MGAT4C: variants seen among roughly 807,000 people sequenced by gnomAD.
MGAT4C encodes MGAT4 family member C.
Under a neutral mutation model 40.1 loss-of-function variants are expected in MGAT4C, and 19 were observed. The ratio of observed to expected loss-of-function variants is 0.47; its 90% CI spans 0.33 to 0.70. The LOEUF (loss-of-function observed/expected upper bound fraction) is 0.70, where lower values mean the gene tolerates loss of function less well. Among genes scored for constraint, MGAT4C ranks in the 30% least tolerant of loss-of-function variants. MGAT4C has a pLI of 0.02. For missense variants in MGAT4C, 491 were observed against 563.2 expected, an observed-to-expected ratio of 0.87 and a Z score of 1.30; for synonymous variants, 181 against 187.1, an observed-to-expected ratio of 0.97 and a Z score of 0.27.
At chr12:86,731,376 C>T (rs1020538969) in intron 1 of MGAT4C, among the ~76,000 whole-genome samples, 2 of 152,118 alleles carry the variant, frequency 1.3e-5, no homozygotes, top group East Asian at 1.9e-4. Flanking sequence ...AAGAATAATA[C>T]CCAAATAAAT....
intron 1 of MGAT4C, among the ~76,000 whole-genome samples, chr12:86,177,704 T>C (rs1422183236): frequency 6.6e-6 from 1 of 152,078 alleles, no homozygotes; most frequent in Non-Finnish European, 1.5e-5. Flanking sequence ...AAGGGATTTG[T>C]GAAAACAAAT....
At chr12:86,030,767 C>A (rs545865589) in intron 2 of MGAT4C, among the ~76,000 whole-genome samples, 135 of 151,594 alleles carry the variant, frequency 8.9e-4, no homozygotes, top group Non-Finnish European at 1.4e-3. Context: ...AATATTCAAG[C>A]CAGAAAAAAA....
chr12:86,667,741 A>G (rs1022257902), intron 2 of MGAT4C, among the ~76,000 whole-genome samples: 1 of 152,112 alleles, frequency 6.6e-6, no homozygotes, highest in Non-Finnish European at 1.5e-5. Flanking sequence ...TGATTTTCTT[A>G]TGATTATATT....
rs753768505 is a variant in MGAT4C at position 85,977,883 on chromosome 12, C to G, written c.*1406G>C. The G allele has an allele frequency of 6.6e-6, 1 of 150,378 alleles. No homozygotes were observed. Among genetic ancestry groups the G allele is most frequent in the Non-Finnish European group, 1.5e-5 (1 of 67,264 alleles). 9.3% of individuals were successfully genotyped at this position (150,378 alleles called of 1,614,324 possible). A position where few individuals can be genotyped will look rare whatever the true frequency, so the allele number is the denominator to read the frequency against. ...TTGAGTTTCTTAAACATATATGAAG[C>G]ACCTTCCATTTCCCTTTATAATAAA... On this transcript the variant is annotated 3_prime_UTR_variant, in exon 5 of 5. Transcript: ENST00000611864.
In MGAT4C at chr12:86,780,275, G is replaced by A. The variant is rs369128153; in HGVS notation, c.-261-53034C>T. On this transcript the variant is annotated intron_variant, in intron 1 of 7. Transcript: ENST00000548651. ...TTTTTTATTTGTATAAATTTAAGCG[G>A]TACAAGTGTGGTTTTATTACATAAG... 2.0e-5 allele frequency among the ~76,000 whole-genome samples: 3 copies of A among 152,154 alleles called. No individual in the cohort carries two copies. The South Asian group carries it at 6.2e-4, about 32-fold the overall frequency.
chr12:86,593,460 T>A (rs1308092003), intron 2 of MGAT4C, among the ~76,000 whole-genome samples: 1 of 152,084 alleles, frequency 6.6e-6, no homozygotes, highest in Non-Finnish European at 1.5e-5. Context: ...AGGGTTGAAG[T>A]TTAGGTTGTG....
intron 1 of MGAT4C, among the ~76,000 whole-genome samples, chr12:86,211,455 C>T (rs1376425539): frequency 8.7e-5 from 11 of 126,626 alleles, no homozygotes; most frequent in South Asian, 8.3e-4. Context: ...GGCGTGGTGG[C>T]GGTCGCCTGT....
chr12:86,141,606 G>T (rs17357025), intron 1 of MGAT4C, among the ~76,000 whole-genome samples: 1 of 152,158 alleles, frequency 6.6e-6, no homozygotes, highest in Admixed American at 6.6e-5. Flanking sequence ...TAGCTGTACA[G>T]AAAGGGTTTT....
At chr12:86,306,589 T>C (rs1320945183) in intron 4 of MGAT4C, among the ~76,000 whole-genome samples, 1 of 150,476 alleles carries the variant, frequency 6.6e-6, no homozygotes, top group African/African-American at 2.5e-5. Context: ...TCCTTTGTGA[T>C]GATAAAGCAT....
At chr12:86,679,392 A>G (rs1028440203) in intron 2 of MGAT4C, among the ~76,000 whole-genome samples, 15 of 152,070 alleles carry the variant, frequency 9.9e-5, no homozygotes, top group Non-Finnish European at 2.1e-4. Flanking sequence ...CTTGTTCAAA[A>G]TCCTATAGTG....
chr12:86,414,497 T>C (rs1351988982), intron 3 of MGAT4C, among the ~76,000 whole-genome samples: 2 of 152,184 alleles, frequency 1.3e-5, no homozygotes, highest in Non-Finnish European at 2.9e-5. Context: ...TGGTTACTTT[T>C]TATTGATTTA....
intron 2 of MGAT4C, among the ~76,000 whole-genome samples, chr12:86,622,163 A>C (rs1962659612): frequency 1.3e-5 from 2 of 152,128 alleles, no homozygotes; most frequent in South Asian, 4.1e-4. Context: ...ACGTAATTTT[A>C]TTGGTAAATG....
chr12:86,799,882 C>T (rs1952195491), intron 1 of MGAT4C, among the ~76,000 whole-genome samples: 1 of 151,796 alleles, frequency 6.6e-6, no homozygotes, highest in Non-Finnish European at 1.5e-5. Context: ...GATTTTGTGT[C>T]TCTCTTGAAT....
intron 1 of MGAT4C, among the ~76,000 whole-genome samples, chr12:86,226,207 G>T (rs1951068639): frequency 6.6e-6 from 1 of 151,882 alleles, no homozygotes; most frequent in African/African-American, 2.4e-5. Context: ...GTGATTTTGG[G>T]GTTTGCACAG....
At chr12:86,210,696 C>G (rs976214268) in intron 1 of MGAT4C, among the ~76,000 whole-genome samples, 1 of 152,148 alleles carries the variant, frequency 6.6e-6, no homozygotes, top group Non-Finnish European at 1.5e-5. Context: ...AAGTGCCAAA[C>G]TTTTTTGCAT....
intron 2 of MGAT4C, among the ~76,000 whole-genome samples, chr12:86,538,647 G>A (rs1031852095): frequency 1.4e-4 from 20 of 139,928 alleles, no homozygotes; most frequent in Admixed American, 3.9e-4. Flanking sequence ...TTGCTCTGTC[G>A]CCCAGGCTGG....
intron 1 of MGAT4C, among the ~76,000 whole-genome samples, chr12:86,787,606 A>G (rs966860111): frequency 2.6e-5 from 4 of 152,126 alleles, no homozygotes; most frequent in Non-Finnish European, 5.9e-5. Context: ...ACTATTATTA[A>G]AAAGTCAAAA....
intron 1 of MGAT4C, among the ~76,000 whole-genome samples, chr12:86,779,208 T>C (rs1951792529): frequency 6.6e-6 from 1 of 152,000 alleles, no homozygotes; most frequent in African/African-American, 2.4e-5. Context: ...AAAATATAAA[T>C]TGTTAAAAGG....
At chr12:86,168,628 G>T (rs1269250954) in intron 1 of MGAT4C, among the ~76,000 whole-genome samples, 5 of 152,052 alleles carry the variant, frequency 3.3e-5, no homozygotes, top group Admixed American at 6.6e-5. Context: ...AGTAAAGGAC[G>T]TTATTGAGAC....
Sources: gnomAD v4.1 joint callset for allele counts (sites outside exome capture counted in the v4.1 genomes callset) on GRCh38, gnomAD v4.1.1 for gene constraint, MANE v1.5 for transcripts, NCBI Gene and HGNC (gene_info 2026-07-23, HGNC 2026-07-21) for gene names.